Variants in RNF166 observed in about 807,000 individuals in gnomAD.
RNF166 encodes E3 ubiquitin-protein ligase RNF166.
Under a neutral mutation model 29.4 loss-of-function variants are expected in RNF166, and 19 were observed. That is an observed-to-expected ratio of 0.65 (90% CI 0.45 to 0.95). The LOEUF is 0.95. RNF166 is among the 40% of genes least tolerant of loss of function. The pLI is 0.00. For missense variants in RNF166, 347 were observed against 322.1 expected (o/e 1.08, Z -0.59); for synonymous variants, 171 against 134.5 (o/e 1.27, Z -1.88).
At chr16:88,700,471 C>T (rs923185882) in intron 2 of RNF166, 2 of 371,612 alleles carry the variant, frequency 5.4e-6, no homozygotes, top group Non-Finnish European at 3.7e-6. Context: ...CTCAGCCGCA[C>T]CACTCTGGAG....
rs967275711 is a variant in RNF166, at chr16:88,703,132, C to T, written c.156-1714G>A. ...CCCACCCGTGTCGTGGGGGTCCACTCACGCTCAACGTCCAGCAGAGAGAAA... is the reference window on the plus strand; with the variant it reads ...CCCACCCGTGTCGTGGGGGTCCACTTACGCTCAACGTCCAGCAGAGAGAAA... On this transcript the variant is annotated intron_variant, in intron 1 of 5. Transcript: ENST00000312838. 9.1e-6 allele frequency: 9 copies of T among 985,438 alleles called. No homozygotes were observed. The African/African-American group carries it at 1.4e-4, about 15-fold the overall frequency. The allele number at this position is 985,438 out of a possible 1,614,324, so 61.0% of individuals were successfully genotyped here. A position where few individuals can be genotyped will look rare whatever the true frequency, so the allele number is the denominator to read the frequency against.
chr16:88,704,231 C>T (rs1327683148), intron 1 of RNF166: 1 of 985,350 alleles, frequency 1.0e-6, no homozygotes, highest in East Asian at 1.1e-4. Context: ...CATTTGCATG[C>T]ATGCCTTAGC....
Position 88,701,394 on chromosome 16 carries a change from G to A in RNF166, c.180C>T (p.Pro60=), listed in dbSNP as rs1053639760. The change falls in exon 2 of 6, where the codon CCC becomes CCT. Residue 60 remains proline (P), a synonymous_variant. Transcript: ENST00000312838. ...GHTFCGECLQ[P]CLQVPSPLCP... ...ACAGCGGGGATGGCACCTGCAGGCA[G>A]GGCTGGAGACACTCCCCGCAGAACC... 1 of 1,607,600 alleles carries A rather than the reference G, an allele frequency of 6.2e-7. No homozygotes were observed. Among genetic ancestry groups the A allele is most frequent in the Non-Finnish European group, 8.5e-7 (1 of 1,177,742 alleles).
chr16:88,698,280 G>C, intron 5 of RNF166: 1 of 699,452 alleles, frequency 1.4e-6, no homozygotes, highest in South Asian at 1.5e-5. Context: ...CCATGTCCCC[G>C]AGAGGCCTGG....
At position 88,705,963 on chromosome 16, in the gene RNF166, C is replaced by T. The variant is rs1003284153; in HGVS notation, c.155+208G>A. Among the ~76,000 whole-genome samples the T allele has an allele frequency of 4.6e-5, 7 of 152,162 alleles. No individual in the cohort carries two copies. In the Middle Eastern group the frequency reaches 0.014, roughly 298 times the overall value. On this transcript the variant is annotated intron_variant, in intron 1 of 5. Transcript: ENST00000312838. ...TCGGACCGGGCGCCTGCGGCTGGCG[C>T]GAAGGAGGCTGGGCGGGGGATGAAC...
intron 2 of RNF166, chr16:88,700,161 G>T: frequency 6.3e-6 from 1 of 158,938 alleles, no homozygotes; most frequent in South Asian, 1.5e-4. Flanking sequence ...TCCACCCACA[G>T]CACACCCACT....
intron 2 of RNF166, chr16:88,700,770 C>T: frequency 1.0e-6 from 1 of 1,001,390 alleles, no homozygotes; most frequent in Non-Finnish European, 1.2e-6. Context: ...CCATGACAAG[C>T]TGCAGGCCCT....
At chr16:88,698,897 A>G (rs1332716116) in intron 4 of RNF166, 74 bp downstream of exon 4, 2 of 1,203,858 alleles carry the variant, frequency 1.7e-6, no homozygotes, top group Non-Finnish European at 2.4e-6. Context: ...CGCCGCGAGC[A>G]GGCTCCTGGG....
intron 1 of RNF166, chr16:88,704,517 A>G (rs1910571398): frequency 1.0e-6 from 1 of 985,322 alleles, no homozygotes; most frequent in African/African-American, 1.7e-5. Flanking sequence ...AGAAGGGCAA[A>G]GACCAATTTG....
At chr16:88,704,138 T>C (rs1910536965) in intron 1 of RNF166, 4 of 985,284 alleles carry the variant, frequency 4.1e-6, no homozygotes, top group South Asian at 4.7e-5. Context: ...GTTGCTCTGG[T>C]TGGGGAGCTT....
chr16:88,698,224 C>G, intron 5 of RNF166: 6 of 632,118 alleles, frequency 9.5e-6, no homozygotes, highest in Non-Finnish European at 5.7e-6. Flanking sequence ...GGCTCACCCT[C>G]GAGGGGTTCT....
intron 3 of RNF166, 50 bp downstream of exon 3, chr16:88,699,570 G>A (rs942655804): frequency 6.2e-6 from 9 of 1,460,568 alleles, no homozygotes; most frequent in Middle Eastern, 1.7e-4. Context: ...CTCCCAGAAC[G>A]AGGAAACCGC....
Position 88,699,094 on chromosome 16 carries a change from G to A in RNF166, c.426-9C>T, listed in dbSNP as rs746529321. On this transcript the variant is annotated splice_polypyrimidine_tract_variant and intron_variant, in intron 3 of 5. Transcript: ENST00000312838. ...ACCTGTTGGGGATGTTGCTGGCGGG[G>A]CGGGGGTAGAGTGAGTGGCACGGCT... is the stretch of plus-strand genomic sequence containing the variant. 18 of 1,585,126 alleles carry A rather than the reference G, an allele frequency of 1.1e-5. No homozygotes were observed. The Admixed American group carries it at 1.6e-4, about 14-fold the overall frequency.
intron 5 of RNF166, chr16:88,697,884 C>G: frequency 2.0e-6 from 1 of 503,052 alleles, no homozygotes; most frequent in East Asian, 3.4e-5. Context: ...TCAGGTCGGA[C>G]TCTAAGCCCG....
At chr16:88,698,693 C>T (rs987927495) in intron 4 of RNF166, 84 bp from the exon 5 acceptor site, 20 of 1,049,434 alleles carry the variant, frequency 1.9e-5, no homozygotes, top group Non-Finnish European at 2.3e-5. Flanking sequence ...TCCACTGAGC[C>T]CCGTCAGTGC....
chr16:88,705,734 A>G (rs1910721300), intron 1 of RNF166, among the ~76,000 whole-genome samples: 1 of 152,266 alleles, frequency 6.6e-6, no homozygotes, highest in Admixed American at 6.5e-5. Context: ...AAACAGGCAG[A>G]CAGCGGGTCC....
Position 88,702,957 on chromosome 16 carries a change from C to T in RNF166, c.156-1539G>A, listed in dbSNP as rs762512613. The T allele has an allele frequency of 4.4e-4, 433 of 985,472 alleles. 5 individuals carry two copies. In the African/African-American group the frequency reaches 4.4e-3, roughly 10 times the overall value. 61.0% of individuals were successfully genotyped at this position (985,472 alleles called of 1,614,324 possible). A position where few individuals can be genotyped will look rare whatever the true frequency, so the allele number is the denominator to read the frequency against. ...ACTCAGGCACTCATGGCAGGAGAAG[C>T]GGAAGCAGCTCAGGTGCCCGTCGGT... On this transcript the variant is annotated intron_variant, in intron 1 of 5. Transcript: ENST00000312838.
chr16:88,702,848 C>CG (rs568631217), intron 1 of RNF166: 273 of 985,406 alleles, frequency 2.8e-4, no homozygotes, highest in African/African-American at 1.2e-3. Context: ...GGATTTGAGC[C>CG]GGGGGGGCCG....
chr16:88,697,669 G>C (rs1214032503), intron 5 of RNF166, 36 bp from the exon 6 acceptor site: 1 of 1,494,300 alleles, frequency 6.7e-7, no homozygotes, highest in Non-Finnish European at 9.1e-7. Flanking sequence ...CGGGCTCGAG[G>C]GAGACAGGAA....
Sources: allele counts gnomAD v4.1 joint callset (sites outside exome capture counted in the v4.1 genomes callset), GRCh38; gene constraint gnomAD v4.1.1; transcripts MANE v1.5; gene names NCBI Gene and HGNC (gene_info 2026-07-23, HGNC 2026-07-21).